The following NREP variants were observed in gnomAD, a reference collection of about 807,000 sequenced individuals.
The protein encoded by NREP is neuronal regeneration related protein, also known as neuronal regeneration-related protein.
NREP carries 5 observed loss-of-function variants against 8.6 expected under a neutral mutation model. That is an observed-to-expected ratio of 0.58 (90% CI 0.30 to 1.22). The LOEUF (loss-of-function observed/expected upper bound fraction) is 1.22. Among genes scored for constraint, NREP ranks in the 50% most tolerant of loss-of-function variants. NREP has a pLI of 0.07. For synonymous variants in NREP, 27 were observed against 28.0 expected, an observed-to-expected ratio of 0.96 and a Z score of 0.11; for missense variants, 86 against 82.5, an observed-to-expected ratio of 1.04 and a Z score of -0.17.
intron 2 of NREP, among the ~76,000 whole-genome samples, chr5:111,877,041 C>T (rs541669431): frequency 1.2e-4 from 18 of 152,266 alleles, no homozygotes; most frequent in Middle Eastern, 3.4e-3. Flanking sequence ...TATTTCAGTA[C>T]TGAAATCACC....
intron 2 of NREP, among the ~76,000 whole-genome samples, chr5:111,868,762 G>A (rs1753722408): frequency 6.6e-6 from 1 of 151,852 alleles, no homozygotes; most frequent in Non-Finnish European, 1.5e-5. Flanking sequence ...GCAGAGATGT[G>A]TTCTTTCAAT....
At chr5:111,934,950 C>T (rs985673897) in intron 2 of NREP, among the ~76,000 whole-genome samples, 2 of 149,462 alleles carry the variant, frequency 1.3e-5, no homozygotes, top group Non-Finnish European at 3.0e-5. Flanking sequence ...TGGAAGAACA[C>T]ATTCTGGATC....
intron 2 of NREP, among the ~76,000 whole-genome samples, chr5:111,805,626 C>T (rs1402256412): frequency 6.6e-6 from 1 of 152,142 alleles, no homozygotes; most frequent in Non-Finnish European, 1.5e-5. Flanking sequence ...ATATATACAT[C>T]CTATGCTGAA....
At chr5:111,925,443 C>T (rs924412281) in intron 2 of NREP, among the ~76,000 whole-genome samples, 6 of 152,136 alleles carry the variant, frequency 3.9e-5, no homozygotes, top group African/African-American at 1.4e-4. Context: ...ATCAGAGATT[C>T]CATCCTTCTC....
At chr5:111,768,168 C>T (rs903570845) in intron 2 of NREP, among the ~76,000 whole-genome samples, 2 of 152,082 alleles carry the variant, frequency 1.3e-5, no homozygotes, top group Non-Finnish European at 2.9e-5. Context: ...AGAAGCTGCC[C>T]CTCTCTCTGT....
intron 2 of NREP, among the ~76,000 whole-genome samples, chr5:111,831,549 C>A (rs906889145): frequency 6.6e-6 from 1 of 152,126 alleles, no homozygotes; most frequent in Non-Finnish European, 1.5e-5. Context: ...ACATCCTTCT[C>A]AAAAAACAAT....
intron 2 of NREP, among the ~76,000 whole-genome samples, chr5:111,890,253 C>T (rs1370482455): frequency 7.9e-6 from 1 of 127,216 alleles, no homozygotes; most frequent in Admixed American, 7.7e-5. Context: ...CTATATCTCA[C>T]ATCCAGGGCA....
intron 2 of NREP, among the ~76,000 whole-genome samples, chr5:111,782,131 A>C (rs1378486178): frequency 6.6e-6 from 1 of 152,224 alleles, no homozygotes; most frequent in Non-Finnish European, 1.5e-5. Context: ...CTAATGGCTT[A>C]ATAAATGGTA....
At chr5:111,851,537 G>C (rs1453436525) in intron 2 of NREP, among the ~76,000 whole-genome samples, 1 of 152,150 alleles carries the variant, frequency 6.6e-6, no homozygotes, top group Non-Finnish European at 1.5e-5. Flanking sequence ...TTGATCTGTT[G>C]ATGGACACTT....
At chr5:111,970,906 C>T (rs868610818) in intron 2 of NREP, among the ~76,000 whole-genome samples, 5 of 151,212 alleles carry the variant, frequency 3.3e-5, no homozygotes, top group African/African-American at 1.2e-4. Context: ...ATTTTTCTGC[C>T]TTTCCTTTCT....
At chr5:111,765,606 G>A (rs575206179) in intron 2 of NREP, among the ~76,000 whole-genome samples, 2 of 152,358 alleles carry the variant, frequency 1.3e-5, no homozygotes, top group South Asian at 4.1e-4. Flanking sequence ...AAGCCGCGGA[G>A]CTGGGATGTG....
intron 2 of NREP, among the ~76,000 whole-genome samples, chr5:111,827,838 G>C (rs1257790577): frequency 6.6e-6 from 1 of 151,842 alleles, no homozygotes; most frequent in Non-Finnish European, 1.5e-5. Flanking sequence ...GGATGACTCT[G>C]TCTCAAAAAA....
At chr5:111,968,035 T>A (rs1433881368) in intron 2 of NREP, among the ~76,000 whole-genome samples, 1 of 152,196 alleles carries the variant, frequency 6.6e-6, no homozygotes, top group Non-Finnish European at 1.5e-5. Flanking sequence ...TCTCTTCATT[T>A]CCTATGTCAG....
At chr5:111,869,615 G>C (rs1238617194) in intron 2 of NREP, among the ~76,000 whole-genome samples, 1 of 152,136 alleles carries the variant, frequency 6.6e-6, no homozygotes, top group East Asian at 1.9e-4. Context: ...TGTCAGACAG[G>C]TCTGGGTTCA....
At chr5:111,891,604 G>T (rs1381043382) in intron 2 of NREP, among the ~76,000 whole-genome samples, 1 of 152,160 alleles carries the variant, frequency 6.6e-6, no homozygotes. Flanking sequence ...AAGAAAAGAT[G>T]TTTAATTGGC....
At chr5:111,777,054 A>C (rs1217190010) in intron 2 of NREP, among the ~76,000 whole-genome samples, 3 of 151,676 alleles carry the variant, frequency 2.0e-5, no homozygotes, top group African/African-American at 7.3e-5. Flanking sequence ...GAGGAGGAGG[A>C]AGAAGAGGAG....
chr5:111,885,759 G>A (rs990077892), intron 2 of NREP, among the ~76,000 whole-genome samples: 15 of 152,146 alleles, frequency 9.9e-5, no homozygotes, highest in African/African-American at 3.6e-4. Flanking sequence ...TGGGAAAACT[G>A]GCTAGCCATA....
intron 2 of NREP, among the ~76,000 whole-genome samples, chr5:111,935,937 C>T (rs2112607169): frequency 6.6e-6 from 1 of 152,186 alleles, no homozygotes; most frequent in South Asian, 2.1e-4. Flanking sequence ...GAGGTGTTAA[C>T]AGGGCCATGC....
intron 2 of NREP, among the ~76,000 whole-genome samples, chr5:111,872,827 G>GTT (rs1294054571): frequency 2.1e-4 from 32 of 152,156 alleles, no homozygotes; most frequent in Non-Finnish European, 4.6e-4. Flanking sequence ...AGAGGAAGTA[G>GTT]TTAGCCCTAA....
Sources: gnomAD v4.1 joint callset for allele counts (sites outside exome capture counted in the v4.1 genomes callset) on GRCh38, gnomAD v4.1.1 for gene constraint, MANE v1.5 for transcripts, NCBI Gene and HGNC (gene_info 2026-07-23, HGNC 2026-07-21) for gene names.